Variants in SAMMSON observed in about 807,000 individuals in gnomAD.
SAMMSON encodes survival associated mitochondrial melanoma specific oncogenic non-coding RNA, also known as long intergenic non-protein coding RNA 1212.
chr3:70,406,124 T>C (rs1283422524), intron 2 of SAMMSON, among the ~76,000 whole-genome samples: 1 of 152,172 alleles, frequency 6.6e-6, no homozygotes, highest in Non-Finnish European at 1.5e-5. Flanking sequence ...TTCCCCAGTG[T>C]ACACATATTT....
chr3:70,380,538 TC>T (rs1343495578), intron 9 of SAMMSON, among the ~76,000 whole-genome samples: 4 of 152,172 alleles, frequency 2.6e-5, no homozygotes, highest in African/African-American at 9.7e-5. Flanking sequence ...TTCTTTTTTT[TC>T]TTTTTTTATT....
intron 7 of SAMMSON, among the ~76,000 whole-genome samples, chr3:70,343,627 C>A (rs1331089464): frequency 6.6e-6 from 1 of 152,072 alleles, no homozygotes; most frequent in Non-Finnish European, 1.5e-5. Flanking sequence ...TAGCCTTGAT[C>A]ACCTTGATAA....
At chr3:70,112,741 C>T (rs962658972) in intron 4 of SAMMSON, among the ~76,000 whole-genome samples, 1 of 152,068 alleles carries the variant, frequency 6.6e-6, no homozygotes, top group African/African-American at 2.4e-5. Context: ...AATAAACTTG[C>T]CACTTAGAAG....
chr3:70,076,128 T>C (rs2067247879), intron 4 of SAMMSON, among the ~76,000 whole-genome samples: 1 of 152,098 alleles, frequency 6.6e-6, no homozygotes, highest in African/African-American at 2.4e-5. Flanking sequence ...GTTTCTGAAG[T>C]GTTAACATGT....
intron 4 of SAMMSON, among the ~76,000 whole-genome samples, chr3:70,224,342 C>T (rs1575601066): frequency 6.6e-6 from 1 of 152,188 alleles, no homozygotes; most frequent in Non-Finnish European, 1.5e-5. Context: ...CTCCATGCTG[C>T]AGCGGATGGT....
At chr3:70,219,677 T>A (rs984184925) in intron 4 of SAMMSON, among the ~76,000 whole-genome samples, 4 of 152,098 alleles carry the variant, frequency 2.6e-5, no homozygotes. Context: ...AATGACAGAA[T>A]TAAAATCTGC....
chr3:70,262,668 C>T (rs1000743386), intron 6 of SAMMSON, among the ~76,000 whole-genome samples: 1 of 152,168 alleles, frequency 6.6e-6, no homozygotes, highest in East Asian at 1.9e-4. Flanking sequence ...ACTTGTGTCA[C>T]ATAACAGGGT....
intron 9 of SAMMSON, among the ~76,000 whole-genome samples, chr3:70,383,876 C>T (rs139917639): frequency 6.6e-6 from 1 of 152,158 alleles, no homozygotes; most frequent in Non-Finnish European, 1.5e-5. Flanking sequence ...TGCAGTGAGG[C>T]ATGCTTTCTG....
chr3:70,094,639 A>C (rs908750722), intron 4 of SAMMSON: 26 of 152,114 alleles, frequency 1.7e-4, no homozygotes, highest in African/African-American at 6.3e-4. Flanking sequence ...CTCTTTAATA[A>C]AGTTTTACTT....
intron 6 of SAMMSON, among the ~76,000 whole-genome samples, chr3:70,276,439 A>G (rs1034483818): frequency 1.3e-5 from 2 of 152,216 alleles, no homozygotes; most frequent in Non-Finnish European, 2.9e-5. Context: ...AAATCTTTGC[A>G]TATGCCTCTC....
intron 4 of SAMMSON, among the ~76,000 whole-genome samples, chr3:70,185,478 A>G (rs1274798262): frequency 6.6e-6 from 1 of 152,176 alleles, no homozygotes; most frequent in East Asian, 1.9e-4. Flanking sequence ...ACCCTCTTGC[A>G]GACAGAGGAT....
intron 6 of SAMMSON, among the ~76,000 whole-genome samples, chr3:70,287,789 G>T (rs1470796107): frequency 6.6e-6 from 1 of 150,946 alleles, no homozygotes; most frequent in Non-Finnish European, 1.5e-5. Flanking sequence ...AGTCTTGGGA[G>T]AGTGTATGTG....
At chr3:70,413,960 A>T (rs1297913707) in intron 2 of SAMMSON, among the ~76,000 whole-genome samples, 1 of 152,088 alleles carries the variant, frequency 6.6e-6, no homozygotes. Context: ...AGTCCTTTTA[A>T]AAACTGTTCT....
At chr3:70,366,522 T>G (rs1702921909) in intron 9 of SAMMSON, among the ~76,000 whole-genome samples, 2 of 142,418 alleles carry the variant, frequency 1.4e-5, no homozygotes, top group Non-Finnish European at 3.2e-5. Flanking sequence ...TAATAGCTTA[T>G]TTCTTTTTAT....
intron 4 of SAMMSON, among the ~76,000 whole-genome samples, chr3:70,129,918 A>T (rs1190818319): frequency 6.6e-6 from 1 of 152,200 alleles, no homozygotes; most frequent in Non-Finnish European, 1.5e-5. Flanking sequence ...ATGTTTTGAT[A>T]TACTTTATAC....
chr3:70,082,356 C>T (rs2067270500), intron 4 of SAMMSON, among the ~76,000 whole-genome samples: 1 of 152,134 alleles, frequency 6.6e-6, no homozygotes, highest in African/African-American at 2.4e-5. Flanking sequence ...AAAAGCATTT[C>T]CCAGAAGGAG....
chr3:70,376,637 G>A (rs145342407), intron 9 of SAMMSON, among the ~76,000 whole-genome samples: 15 of 152,054 alleles, frequency 9.9e-5, no homozygotes, highest in East Asian at 5.8e-4. Context: ...TCAACTTCAC[G>A]ACCTCTTTCA....
chr3:70,011,470 T>C (rs1241978668), intron 1 of SAMMSON, among the ~76,000 whole-genome samples: 1 of 152,150 alleles, frequency 6.6e-6, no homozygotes, highest in Non-Finnish European at 1.5e-5. Context: ...TTTCTATTAG[T>C]CATTCAGAAT....
At chr3:70,001,315 A>C (rs2066904861) in intron 1 of SAMMSON, among the ~76,000 whole-genome samples, 1 of 152,002 alleles carries the variant, frequency 6.6e-6, no homozygotes, top group African/African-American at 2.4e-5. Context: ...TCACTCTGCC[A>C]CTATTTATTA....
Sources: gnomAD v4.1 joint callset for allele counts (sites outside exome capture counted in the v4.1 genomes callset) on GRCh38, gnomAD v4.1.1 for gene constraint, MANE v1.5 for transcripts, NCBI Gene and HGNC (gene_info 2026-07-23, HGNC 2026-07-21) for gene names.